Variants in KCNQ2 observed in about 807,000 individuals in gnomAD.
KCNQ2 encodes the protein potassium voltage-gated channel subfamily KQT member 2.
A neutral mutation model predicts 84.8 loss-of-function variants in KCNQ2; 14 were observed. The observed-to-expected ratio is 0.17, with a 90% confidence interval of 0.11 to 0.26. The LOEUF is 0.26. Among genes scored for constraint, KCNQ2 ranks in the 10% least tolerant of loss-of-function variants. The pLI is 1.00. For synonymous variants in KCNQ2, 599 were observed against 554.1 expected, an observed-to-expected ratio of 1.08 and a Z score of -1.14; for missense variants, 788 against 1,254.0, an observed-to-expected ratio of 0.63 and a Z score of 5.61.
At chr20:63,470,813 A>C (rs2082197707) in intron 1 of KCNQ2, 1 of 152,060 alleles carries the variant, frequency 6.6e-6, no homozygotes, top group Admixed American at 6.5e-5. Flanking sequence ...AGAACACAGA[A>C]GCTCATCTGG....
At position 63,439,556 on chromosome 20, in the gene KCNQ2, A is replaced by T. The variant is rs772005043; in HGVS notation, c.927+42T>A. The T allele has an allele frequency of 2.7e-6, 4 of 1,464,528 alleles. No individual in the cohort carries two copies. In the East Asian group the frequency reaches 6.8e-5, roughly 25 times the overall value. 90.7% of individuals were successfully genotyped at this position (1,464,528 alleles called of 1,614,324 possible). ...TGTGGTCACCTCGGGAGCCTACAAGACCTCGTCCCCCTCCAAGGCAGGCAG... is the reference window on the plus strand; with the variant it reads ...TGTGGTCACCTCGGGAGCCTACAAGTCCTCGTCCCCCTCCAAGGCAGGCAG... On this transcript the variant is annotated intron_variant, in intron 6 of 16. Transcript: ENST00000359125.
At position 63,434,214 on chromosome 20, in the gene KCNQ2, T is replaced by A. The variant is rs112829970; in HGVS notation, c.1024-311A>T. The A allele has an allele frequency of 4.4e-4, 182 of 410,764 alleles. 1 individual carries two copies. The highest frequency in any genetic ancestry group is 3.5e-3 in the African/African-American group (174 of 49,212). The allele number at this position is 410,764 out of a possible 1,614,324, so 25.4% of individuals were successfully genotyped here. On this transcript the variant is annotated intron_variant, in intron 7 of 16. Transcript: ENST00000359125. ...TTCTTTCCTTTTCATGACTCTTACC[T>A]GGCCCCTGGCGGGTATCACCTGTCC...
In KCNQ2 at chr20:63,425,185, T is replaced by A. The variant is rs1321836890; in HGVS notation, c.1218-979A>T. Among the ~76,000 whole-genome samples the A allele has an allele frequency of 2.6e-5, 4 of 152,208 alleles. No individual in the cohort carries two copies. Among genetic ancestry groups the A allele is most frequent in the Non-Finnish European group, 4.4e-5 (3 of 68,038 alleles). ...CAAGCTGTCACCAGGCTCATCAGGA[T>A]GTTCCAGGATGACCTCATCTCAAGA... On this transcript the variant is annotated intron_variant, in intron 10 of 16. Coordinates refer to ENST00000359125, the MANE Select transcript of KCNQ2 (RefSeq NM_172107.4). The surrounding 1 kb of genome is among the most constrained non-coding windows in gnomAD (Gnocchi z 5.5).
chr20:63,419,602 G>T lies in KCNQ2; in HGVS notation c.1301+17C>A, dbSNP rs371259819. The T allele has an allele frequency of 1.2e-6, 2 of 1,605,462 alleles. No homozygotes were observed. The highest frequency in any genetic ancestry group is 8.5e-7 in the Non-Finnish European group (1 of 1,177,230). ...CCGTGCAGCAGCCGTCAGTCCGTGC[G>T]GCGTGTTCCGCGGTACCTAGAGCGT... is the stretch of plus-strand genomic sequence containing the variant. On this transcript the variant is annotated intron_variant, in intron 12 of 16. Coordinates refer to ENST00000359125, the MANE Select transcript of KCNQ2 (RefSeq NM_172107.4).
chr20:63,433,033 T>C (rs1476457088), intron 8 of KCNQ2, among the ~76,000 whole-genome samples: 1 of 152,196 alleles, frequency 6.6e-6, no homozygotes, highest in East Asian at 1.9e-4. Context: ...ACAGACGGAC[T>C]CGAGGGGTCA....
intron 12 of KCNQ2, among the ~76,000 whole-genome samples, chr20:63,418,159 G>C (rs189266143): frequency 3.2e-4 from 49 of 152,310 alleles, no homozygotes; most frequent in Non-Finnish European, 5.7e-4. Flanking sequence ...AGCACGCGTG[G>C]TCTCGCAGGC....
chr20:63,420,305 G>A (rs1484940152), intron 11 of KCNQ2, among the ~76,000 whole-genome samples: 7 of 152,218 alleles, frequency 4.6e-5, no homozygotes, highest in African/African-American at 1.2e-4. Context: ...CCGCCGGGGC[G>A]TTCCTTAGAA....
chr20:63,424,079 G>A (rs1333451886), intron 11 of KCNQ2, 98 bp downstream of exon 11: 2 of 1,332,618 alleles, frequency 1.5e-6, no homozygotes, highest in Non-Finnish European at 2.1e-6. Flanking sequence ...CACACACAAG[G>A]CCCTCACATC....
At chr20:63,443,191 C>CACCAT (rs2081285953) in intron 4 of KCNQ2, among the ~76,000 whole-genome samples, 1 of 104,440 alleles carries the variant, frequency 9.6e-6, no homozygotes, top group African/African-American at 3.7e-5. Flanking sequence ...ACCATCACCA[C>CACCAT]CACCACCACC....
intron 11 of KCNQ2, among the ~76,000 whole-genome samples, chr20:63,421,610 C>G (rs766372692): frequency 6.6e-6 from 1 of 152,146 alleles, no homozygotes; most frequent in Non-Finnish European, 1.5e-5. Flanking sequence ...AGACACTGAC[C>G]GAGACCCGAC....
chr20:63,411,664 G>A, intron 15 of KCNQ2: 2 of 501,444 alleles, frequency 4.0e-6, no homozygotes, highest in Non-Finnish European at 3.6e-6. Flanking sequence ...GAAAACCCGA[G>A]TGTCCCCTCT....
intron 12 of KCNQ2, among the ~76,000 whole-genome samples, chr20:63,418,152 A>G (rs1221548729): frequency 6.6e-6 from 1 of 152,190 alleles, no homozygotes; most frequent in Non-Finnish European, 1.5e-5. Flanking sequence ...TGCCAGGAGC[A>G]CGCGTGGTCT....
intron 4 of KCNQ2, among the ~76,000 whole-genome samples, chr20:63,443,026 CACAT>C: frequency 1.2e-5 from 1 of 82,448 alleles, no homozygotes; most frequent in Non-Finnish European, 2.5e-5. Context: ...CCACCACCAT[CACAT>C]CACCACCACC....
At chr20:63,409,951 G>A in intron 15 of KCNQ2, 1 of 260,926 alleles carries the variant, frequency 3.8e-6, no homozygotes, top group Non-Finnish European at 7.6e-6. Flanking sequence ...CTGCCACTGG[G>A]CTGCCCTACC....
At chr20:63,471,858 G>C (rs998536878) in intron 1 of KCNQ2, 2 of 330,966 alleles carry the variant, frequency 6.0e-6, no homozygotes, top group Non-Finnish European at 1.1e-5. Flanking sequence ...CCCTTTGTTC[G>C]GCGCAGAGGC....
intron 10 of KCNQ2, among the ~76,000 whole-genome samples, chr20:63,424,996 G>A (rs80351187): frequency 0.07 from 10,687 of 152,228 alleles, 537 homozygotes; most frequent in Admixed American, 0.13. Context: ...CCACGCTCTC[G>A]GGGAGGGTCC....
chr20:63,412,556 G>A (rs2080152046), intron 15 of KCNQ2, among the ~76,000 whole-genome samples: 1 of 152,202 alleles, frequency 6.6e-6, no homozygotes, highest in Non-Finnish European at 1.5e-5. Flanking sequence ...CCCTTCCCTG[G>A]CCCCCTGAAG....
At chr20:63,410,977 C>T (rs1316607994) in intron 15 of KCNQ2, 1 of 455,914 alleles carries the variant, frequency 2.2e-6, no homozygotes, top group African/African-American at 2.0e-5. Flanking sequence ...CCCTGGGAGG[C>T]AAGAAGGCCT....
intron 8 of KCNQ2, 64 bp downstream of exon 8, chr20:63,433,745 T>C: frequency 6.2e-7 from 1 of 1,612,800 alleles, no homozygotes; most frequent in African/African-American, 1.3e-5. Flanking sequence ...AAAGTGGGGT[T>C]TAAGAACAAA....
Sources: allele counts gnomAD v4.1 joint callset (sites outside exome capture counted in the v4.1 genomes callset), GRCh38; gene constraint gnomAD v4.1.1; non-coding constraint Gnocchi (gnomAD v3.1); transcripts MANE v1.5; gene names NCBI Gene and HGNC (gene_info 2026-07-23, HGNC 2026-07-21).